LRRK1: variants seen among roughly 807,000 people sequenced by gnomAD.
LRRK1 encodes leucine-rich repeat serine/threonine-protein kinase 1.
In LRRK1, 113 loss-of-function variants were observed where a neutral mutation model predicts 209.1. The observed-to-expected ratio is 0.54, with a 90% CI of 0.46 to 0.63. The LOEUF is 0.63. Among genes scored for constraint, LRRK1 ranks in the 30% least tolerant of loss-of-function variants. LRRK1 has a pLI of 0.00. For missense variants in LRRK1, 2,284 were observed against 2,632.2 expected (o/e 0.87, Z 2.89); for synonymous variants, 1,144 against 1,099.7 (o/e 1.04, Z -0.80).
rs1334256380 is a variant in LRRK1, at chr15:101,008,960, G to A, written c.886G>A (p.Val296Ile). The A allele has an allele frequency of 6.2e-7, 1 of 1,613,962 alleles. No individual in the cohort carries two copies. Among genetic ancestry groups the A allele is most frequent in the Non-Finnish European group, 8.5e-7 (1 of 1,179,994 alleles). ...CAACTGCCTGGCGACCCTCCCCTCG[G>A]TTATCCCCTGGGGCCTCATCAATCT... ...SANCLATLPS[V>I]IPWGLINLRK... The change falls in exon 7 of 34, where the codon GTT becomes ATT. Residue 296 changes from valine to isoleucine, a missense_variant. Coordinates refer to ENST00000388948, the MANE Select transcript of LRRK1 (RefSeq NM_024652.6).
At chr15:101,050,338 T>G (rs12915904) in intron 23 of LRRK1, among the ~76,000 whole-genome samples, 40,583 of 152,084 alleles carry the variant, frequency 0.27, 6,105 homozygotes, top group Middle Eastern at 0.37. Context: ...AAAAGTACTC[T>G]TTGAGTGAAG....
intron 10 of LRRK1, among the ~76,000 whole-genome samples, chr15:101,012,590 C>T (rs998077846): frequency 7.9e-5 from 12 of 152,270 alleles, no homozygotes; most frequent in Admixed American, 1.3e-4. Flanking sequence ...CCAGAAGGGG[C>T]CCCATCAGGG....
intron 31 of LRRK1, chr15:101,064,736 CAT>C (rs1482013938): frequency 6.6e-6 from 1 of 152,666 alleles, no homozygotes; most frequent in African/African-American, 2.5e-5. Flanking sequence ...TCAGCAAACA[CAT>C]GTCATCCACT....
intron 2 of LRRK1, among the ~76,000 whole-genome samples, chr15:100,935,505 C>A (rs2042284985): frequency 6.6e-6 from 1 of 152,116 alleles, no homozygotes; most frequent in African/African-American, 2.4e-5. Context: ...GCCTTCACAG[C>A]AGGAGTGTAG....
At chr15:100,997,032 G>A (rs2032449277) in intron 6 of LRRK1, among the ~76,000 whole-genome samples, 1 of 151,056 alleles carries the variant, frequency 6.6e-6, no homozygotes, top group African/African-American at 2.4e-5. Flanking sequence ...GTTAAGCTTT[G>A]AAAACTCATC....
chr15:101,022,499 A>C lies in LRRK1; in HGVS notation c.1969A>C (p.Ile657Leu), dbSNP rs2033843754. Residue 657 changes from isoleucine to leucine, a missense_variant, in exon 15 of 34, where the codon ATC becomes CTC. Transcript: ENST00000388948. This position sits in a 1 kb window ranked among gnomAD's most constrained non-coding sequence, Gnocchi z 4.0. The stretch of plus-strand genomic sequence containing the variant: ...CCAGGGCAAGTCCACCCTCCTGGAG[A>C]TCTTACAGACGGGGAGGGCCCCCCA... ...PRQGKSTLLE[I>L]LQTGRAPQVV... The C allele has an allele frequency of 1.9e-6, 3 of 1,614,168 alleles. No homozygotes were observed. The highest frequency in any genetic ancestry group is 1.1e-5 in the South Asian group (1 of 91,078).
At chr15:100,978,805 A>T (rs1250066837) in intron 3 of LRRK1, among the ~76,000 whole-genome samples, 5 of 152,324 alleles carry the variant, frequency 3.3e-5, no homozygotes, top group South Asian at 2.1e-4. Flanking sequence ...GCTTCACTGG[A>T]TAATTCTACC....
At chr15:101,009,763 T>A (rs1052626095) in intron 7 of LRRK1, among the ~76,000 whole-genome samples, 9 of 151,984 alleles carry the variant, frequency 5.9e-5, no homozygotes, top group African/African-American at 2.2e-4. Flanking sequence ...AATTTTTGTA[T>A]TTTTAGTAGA....
chr15:101,054,913 T>C (rs1441065644), intron 26 of LRRK1, 33 bp from the exon 27 acceptor site: 1 of 1,539,056 alleles, frequency 6.5e-7, no homozygotes, highest in East Asian at 2.3e-5. Flanking sequence ...AACTGAAATT[T>C]TGATACATTT....
intron 2 of LRRK1, among the ~76,000 whole-genome samples, chr15:100,967,506 C>G (rs1007731366): frequency 4.6e-5 from 7 of 151,262 alleles, no homozygotes; most frequent in Non-Finnish European, 5.9e-5. Flanking sequence ...CCGTAAGCAG[C>G]TTGCCTTTTT....
At chr15:100,962,115 G>A (rs2030017816) in intron 2 of LRRK1, among the ~76,000 whole-genome samples, 1 of 152,058 alleles carries the variant, frequency 6.6e-6, no homozygotes, top group African/African-American at 2.4e-5. Flanking sequence ...CTAAGCCAGG[G>A]TGAAACACAG....
intron 20 of LRRK1, among the ~76,000 whole-genome samples, chr15:101,030,432 A>G (rs1941631776): frequency 6.6e-6 from 1 of 152,198 alleles, no homozygotes; most frequent in African/African-American, 2.4e-5. Flanking sequence ...TCAGATTTTC[A>G]GCAGGGCCCA....
At chr15:101,000,607 T>C (rs184574338) in intron 6 of LRRK1, among the ~76,000 whole-genome samples, 1 of 152,318 alleles carries the variant, frequency 6.6e-6, no homozygotes, top group East Asian at 1.9e-4. Flanking sequence ...CCCTTCCAGC[T>C]GCTGGGGACT....
chr15:101,045,174 T>G (rs1378671514), intron 20 of LRRK1, among the ~76,000 whole-genome samples: 3 of 152,232 alleles, frequency 2.0e-5, no homozygotes, highest in African/African-American at 7.2e-5. Flanking sequence ...TTAGGGAGTC[T>G]TTTCCAGAAA....
chr15:100,999,825 G>T (rs2032605185), intron 6 of LRRK1, among the ~76,000 whole-genome samples: 1 of 152,186 alleles, frequency 6.6e-6, no homozygotes, highest in South Asian at 2.1e-4. Flanking sequence ...TTTGCCTAGA[G>T]TCTGGACTTG....
intron 2 of LRRK1, among the ~76,000 whole-genome samples, chr15:100,944,694 G>C (rs984880319): frequency 6.6e-6 from 1 of 152,180 alleles, no homozygotes; most frequent in African/African-American, 2.4e-5. Context: ...GTCAATTTCT[G>C]TTGTTTGAAC....
intron 22 of LRRK1, 36 bp downstream of exon 22, chr15:101,048,693 A>T: frequency 6.8e-7 from 1 of 1,476,260 alleles, no homozygotes; most frequent in South Asian, 1.5e-5. Context: ...CCAGGTCAGC[A>T]GGTGCCACAG....
chr15:101,056,792 A>AG, intron 27 of LRRK1, 64 bp from the exon 28 acceptor site: 2 of 1,364,960 alleles, frequency 1.5e-6, no homozygotes, highest in East Asian at 5.0e-5. Context: ...CCTCCACCTG[A>AG]GGGCCACCTT....
Position 100,965,042 on chromosome 15 carries a change from G to A in LRRK1, c.98-8762G>A, listed in dbSNP as rs190471480. Among the ~76,000 whole-genome samples, 12 of 152,294 alleles carry A rather than the reference G, an allele frequency of 7.9e-5. 1 individual carries two copies. Among genetic ancestry groups the A allele is most frequent in the Admixed American group, 2.6e-4 (4 of 15,310 alleles). ...GAACCAGGGATGGACAGACTGGGGC[G>A]GTGTCTTTCAAGGTGTACCTGCAGA... is the stretch of plus-strand genomic sequence containing the variant. On this transcript the variant is annotated intron_variant, in intron 2 of 33. Transcript: ENST00000388948.
Sources: allele counts gnomAD v4.1 joint callset (sites outside exome capture counted in the v4.1 genomes callset), GRCh38; gene constraint gnomAD v4.1.1; non-coding constraint Gnocchi (gnomAD v3.1); transcripts MANE v1.5; gene names NCBI Gene and HGNC (gene_info 2026-07-23, HGNC 2026-07-21).